TECRL: variants seen among roughly 807,000 people sequenced by gnomAD.
TECRL encodes the protein trans-2,3-enoyl-CoA reductase-like.
TECRL carries 63 observed loss-of-function variants against 52.8 expected under a neutral mutation model. That is an observed-to-expected ratio of 1.19 (90% CI 0.97 to 1.47). The LOEUF is 1.47. Ranked by LOEUF, TECRL falls within the 40% of genes most tolerant of loss-of-function variation. The probability of loss-of-function intolerance (pLI) is 0.00; values close to 1 mark genes in which losing one functional copy is unlikely to be tolerated. For synonymous variants in TECRL, 164 were observed against 141.9 expected, an observed-to-expected ratio of 1.16 and a Z score of -1.10; for missense variants, 482 against 429.6, an observed-to-expected ratio of 1.12 and a Z score of -1.08.
At chr4:64,285,198 T>C (rs555280032) in intron 9 of TECRL, among the ~76,000 whole-genome samples, 1 of 152,198 alleles carries the variant, frequency 6.6e-6, no homozygotes, top group Non-Finnish European at 1.5e-5. Context: ...GGAACTGCCT[T>C]ACAAGGTCTT....
chr4:64,332,650 G>C (rs913164949), intron 2 of TECRL, among the ~76,000 whole-genome samples: 24 of 152,044 alleles, frequency 1.6e-4, no homozygotes, highest in African/African-American at 5.6e-4. Flanking sequence ...ATACAAGACA[G>C]AATTATTTGG....
rs1272431398 is a variant in TECRL at position 64,375,545 on chromosome 4, A to C, written c.235-322T>G. Among the ~76,000 whole-genome samples the C allele has an allele frequency of 2.0e-5, 3 of 151,948 alleles. No homozygotes were observed. The East Asian group carries it at 5.8e-4, about 29-fold the overall frequency. On this transcript the variant is annotated intron_variant, in intron 1 of 11. Transcript: ENST00000381210. ...TTTTTCCACATCTCATAAAACTATC[A>C]ATTAAAAATATGTCTTAATGCACAG...
intron 1 of TECRL, among the ~76,000 whole-genome samples, chr4:64,403,472 A>AGCGC (rs752405355): frequency 1.9e-5 from 1 of 53,774 alleles, no homozygotes; most frequent in African/African-American, 5.2e-5. Context: ...TCCCTCCCTG[A>AGCGC]GCGCACACAC....
At chr4:64,370,856 C>T (rs1321025341) in intron 2 of TECRL, among the ~76,000 whole-genome samples, 1 of 151,788 alleles carries the variant, frequency 6.6e-6, no homozygotes, top group Admixed American at 6.6e-5. Flanking sequence ...CTAATCTAAA[C>T]TAAAATATCA....
At chr4:64,344,972 G>A (rs1719844912) in intron 2 of TECRL, among the ~76,000 whole-genome samples, 1 of 152,098 alleles carries the variant, frequency 6.6e-6, no homozygotes, top group African/African-American at 2.4e-5. Flanking sequence ...AGGTTTTCTG[G>A]CCATCAGAGA....
intron 1 of TECRL, among the ~76,000 whole-genome samples, chr4:64,389,117 C>CT (rs1284599267): frequency 6.6e-6 from 1 of 151,778 alleles, no homozygotes; most frequent in Non-Finnish European, 1.5e-5. Context: ...TCTTTATTTC[C>CT]TTTTTTTCAC....
chr4:64,289,092 CT>C (rs1355182585), intron 9 of TECRL, among the ~76,000 whole-genome samples: 2 of 152,120 alleles, frequency 1.3e-5, no homozygotes, highest in Admixed American at 1.3e-4. Context: ...CAAGAATAAA[CT>C]ACTTTTCATT....
chr4:64,318,460 T>C (rs183133608), intron 4 of TECRL, among the ~76,000 whole-genome samples: 77 of 152,094 alleles, frequency 5.1e-4, no homozygotes, highest in Admixed American at 1.8e-3. Flanking sequence ...TATATGCATG[T>C]GTGTGTGTGC....
In TECRL at chr4:64,279,331, T is replaced by C. The variant is rs945295610; in HGVS notation, c.*741A>G. ...GCCTTGGTTTAATCATGGCTCTCTGTAGCCTTGAACGCCTGAGCTGGAGCA... is the reference window on the plus strand; with the variant it reads ...GCCTTGGTTTAATCATGGCTCTCTGCAGCCTTGAACGCCTGAGCTGGAGCA... On this transcript the variant is annotated 3_prime_UTR_variant, in exon 12 of 12. Coordinates refer to ENST00000381210, the MANE Select transcript of TECRL (RefSeq NM_001010874.5). The C allele has an allele frequency of 6.6e-6, 1 of 152,116 alleles. No individual in the cohort carries two copies. Among genetic ancestry groups the C allele is most frequent in the Non-Finnish European group, 1.5e-5 (1 of 68,032 alleles). 9.4% of individuals were successfully genotyped at this position (152,116 alleles called of 1,614,324 possible).
chr4:64,348,845 G>T lies in TECRL; in HGVS notation c.287-20289C>A, dbSNP rs566775692. On this transcript the variant is annotated intron_variant, in intron 2 of 11. Transcript: ENST00000381210. The stretch of plus-strand genomic sequence containing the variant: ...CTCTACATCCTGAGAAAGTGATGTT[G>T]TAGTCAGGGAAAATATCCAATGTCC... Among the ~76,000 whole-genome samples the T allele has an allele frequency of 7.9e-5, 12 of 152,236 alleles. No homozygotes were observed. The South Asian group carries it at 2.1e-3, about 26-fold the overall frequency.
At chr4:64,356,392 A>G (rs1003305979) in intron 2 of TECRL, among the ~76,000 whole-genome samples, 12 of 152,132 alleles carry the variant, frequency 7.9e-5, no homozygotes, top group Non-Finnish European at 1.3e-4. Context: ...TGGGAACTGA[A>G]TGTCTCGGTA....
chr4:64,307,187 G>A (rs138777795), intron 6 of TECRL, among the ~76,000 whole-genome samples: 152 of 152,238 alleles, frequency 1.0e-3, no homozygotes, highest in Non-Finnish European at 1.6e-3. Flanking sequence ...TCAGTGAAGG[G>A]ATGCTTTTTA....
At chr4:64,311,362 G>A (rs1716988980) in intron 5 of TECRL, among the ~76,000 whole-genome samples, 1 of 152,142 alleles carries the variant, frequency 6.6e-6, no homozygotes, top group Non-Finnish European at 1.5e-5. Context: ...ATGTCTGGGG[G>A]AAGAGCTCTC....
chr4:64,404,361 T>C (rs1191190036), intron 1 of TECRL, among the ~76,000 whole-genome samples: 1 of 152,024 alleles, frequency 6.6e-6, no homozygotes, highest in African/African-American at 2.4e-5. Context: ...TTGCATGCTC[T>C]TCAATCATTG....
At chr4:64,358,347 T>C (rs1720931646) in intron 2 of TECRL, among the ~76,000 whole-genome samples, 1 of 151,816 alleles carries the variant, frequency 6.6e-6, no homozygotes, top group South Asian at 2.1e-4. Context: ...AATAAATAAA[T>C]AATCATCGTA....
At chr4:64,371,323 T>A (rs1721960125) in intron 2 of TECRL, among the ~76,000 whole-genome samples, 1 of 150,748 alleles carries the variant, frequency 6.6e-6, no homozygotes, top group Non-Finnish European at 1.5e-5. Context: ...ATAACTAAAT[T>A]GTAAAACAAT....
At chr4:64,346,004 C>A (rs1240113749) in intron 2 of TECRL, among the ~76,000 whole-genome samples, 9 of 144,424 alleles carry the variant, frequency 6.2e-5, no homozygotes, top group African/African-American at 2.1e-4. Flanking sequence ...CACACAGAAG[C>A]ACACACACAA....
chr4:64,350,011 T>C (rs1294120963), intron 2 of TECRL, among the ~76,000 whole-genome samples: 2 of 152,228 alleles, frequency 1.3e-5, no homozygotes, highest in African/African-American at 4.8e-5. Context: ...TATTTAATGA[T>C]TCATGTTTAA....
At chr4:64,394,613 G>T (rs951292664) in intron 1 of TECRL, among the ~76,000 whole-genome samples, 6 of 152,114 alleles carry the variant, frequency 3.9e-5, no homozygotes, top group Non-Finnish European at 8.8e-5. Context: ...ATTTAACAAG[G>T]TCACACAGTT....
Sources: allele counts gnomAD v4.1 joint callset (sites outside exome capture counted in the v4.1 genomes callset), GRCh38; gene constraint gnomAD v4.1.1; transcripts MANE v1.5; gene names NCBI Gene and HGNC (gene_info 2026-07-23, HGNC 2026-07-21).